Variants in GPR39 observed in about 807,000 individuals in gnomAD.
GPR39 encodes zinc sensing receptor.
In GPR39, 23 loss-of-function variants were observed where a neutral mutation model predicts 18.4. The observed-to-expected ratio is 1.25, with a 90% CI of 0.90 to 1.77. The LOEUF (loss-of-function observed/expected upper bound fraction) is 1.77, where lower values mean the gene tolerates loss of function less well. Ranked by LOEUF, GPR39 falls within the 40% of genes most tolerant of loss-of-function variation. The pLI is 0.00. For missense variants in GPR39, 647 were observed against 602.4 expected, an observed-to-expected ratio of 1.07 and a Z score of -0.78; for synonymous variants, 280 against 257.9, an observed-to-expected ratio of 1.09 and a Z score of -0.82.
intron 1 of GPR39, among the ~76,000 whole-genome samples, chr2:132,462,539 G>A (rs2104777845): frequency 6.6e-6 from 1 of 152,260 alleles, no homozygotes; most frequent in East Asian, 1.9e-4. Context: ...CTAATAATGA[G>A]GCTTAATGTT....
intron 1 of GPR39, among the ~76,000 whole-genome samples, chr2:132,567,989 A>C (rs1680380982): frequency 6.6e-6 from 1 of 151,990 alleles, no homozygotes; most frequent in South Asian, 2.1e-4. Context: ...AGTCCAAGAG[A>C]CTTCTTCCTT....
At chr2:132,627,127 C>T (rs999128372) in intron 1 of GPR39, among the ~76,000 whole-genome samples, 6 of 152,040 alleles carry the variant, frequency 3.9e-5, no homozygotes, top group Admixed American at 6.6e-5. Flanking sequence ...TTGCCTCTTA[C>T]GGGCCTGATC....
At chr2:132,477,702 A>G (rs1018205850) in intron 1 of GPR39, among the ~76,000 whole-genome samples, 2 of 152,248 alleles carry the variant, frequency 1.3e-5, no homozygotes, top group African/African-American at 2.4e-5. Context: ...TAGTTTCAAC[A>G]GAGACCATAT....
intron 1 of GPR39, among the ~76,000 whole-genome samples, chr2:132,600,827 TG>T (rs1465398675): frequency 6.6e-6 from 1 of 152,206 alleles, no homozygotes. Flanking sequence ...GGGGCACAAG[TG>T]GTTTTTGTTT....
At chr2:132,432,315 TC>T (rs1173334402) in intron 1 of GPR39, among the ~76,000 whole-genome samples, 1 of 152,206 alleles carries the variant, frequency 6.6e-6, no homozygotes, top group Non-Finnish European at 1.5e-5. Context: ...CTCTGGGACC[TC>T]ATTTATAAGG....
At chr2:132,428,622 T>C (rs1418177998) in intron 1 of GPR39, among the ~76,000 whole-genome samples, 5 of 152,164 alleles carry the variant, frequency 3.3e-5, no homozygotes, top group African/African-American at 7.2e-5. Flanking sequence ...CCCCTACCAG[T>C]TGAATTGTAA....
intron 1 of GPR39, among the ~76,000 whole-genome samples, chr2:132,638,966 C>T (rs1681813569): frequency 6.6e-6 from 1 of 151,936 alleles, no homozygotes; most frequent in Admixed American, 6.6e-5. Context: ...GTTTCTCCAT[C>T]CCCTGCTCAT....
At chr2:132,582,915 C>CT (rs5834320) in intron 1 of GPR39, among the ~76,000 whole-genome samples, 4,097 of 101,494 alleles carry the variant, frequency 0.04, 99 homozygotes, top group Non-Finnish European at 0.06. Flanking sequence ...TTCTTTCTTT[C>CT]TTTTTTTTTT....
intron 1 of GPR39, 97 bp from the exon 2 acceptor site, chr2:132,645,004 C>A (rs1407598436): frequency 7.1e-7 from 1 of 1,401,882 alleles, no homozygotes; most frequent in Non-Finnish European, 9.7e-7. Flanking sequence ...AAGCACAGAA[C>A]AGAGGGGCTA....
intron 1 of GPR39, among the ~76,000 whole-genome samples, chr2:132,433,141 TTTA>T (rs539811342): frequency 6.6e-6 from 1 of 152,258 alleles, no homozygotes; most frequent in Non-Finnish European, 1.5e-5. Context: ...TCTTGCCTAT[TTTA>T]TTATTTACTA....
chr2:132,493,947 A>T (rs1681586237), intron 1 of GPR39, among the ~76,000 whole-genome samples: 1 of 152,114 alleles, frequency 6.6e-6, no homozygotes. Flanking sequence ...AAATACACCA[A>T]AAACTTCCGA....
chr2:132,424,313 A>T (rs1179393318), intron 1 of GPR39, among the ~76,000 whole-genome samples: 1 of 152,220 alleles, frequency 6.6e-6, no homozygotes, highest in Admixed American at 6.5e-5. Flanking sequence ...ATGAGGATAC[A>T]GTGGGGGTGA....
chr2:132,639,874 T>C (rs868437754), intron 1 of GPR39, among the ~76,000 whole-genome samples: 48 of 152,188 alleles, frequency 3.2e-4, no homozygotes, highest in African/African-American at 9.6e-4. Flanking sequence ...TCCCATGCTG[T>C]CAATGGTCAG....
At chr2:132,529,302 G>T (rs1438557487) in intron 1 of GPR39, among the ~76,000 whole-genome samples, 2 of 152,210 alleles carry the variant, frequency 1.3e-5, no homozygotes, top group Non-Finnish European at 2.9e-5. Context: ...AGCGAGGCTG[G>T]GGGAGGGGCG....
chr2:132,602,032 GAA>G (rs34155252), intron 1 of GPR39, among the ~76,000 whole-genome samples: 8 of 146,928 alleles, frequency 5.4e-5, no homozygotes, highest in African/African-American at 9.9e-5. Context: ...CACAGAAATA[GAA>G]AAAAAAAAAC....
intron 1 of GPR39, among the ~76,000 whole-genome samples, chr2:132,639,598 T>C (rs377449625): frequency 2.6e-5 from 4 of 152,188 alleles, no homozygotes; most frequent in East Asian, 3.9e-4. Flanking sequence ...TAGGTACTTA[T>C]GTAAGATGGA....
chr2:132,557,096 A>G (rs931144270), intron 1 of GPR39, among the ~76,000 whole-genome samples: 28 of 151,700 alleles, frequency 1.8e-4, no homozygotes, highest in Non-Finnish European at 3.2e-4. Context: ...GGGGGGGCAG[A>G]TCACTTGAGG....
intron 1 of GPR39, among the ~76,000 whole-genome samples, chr2:132,473,766 C>T (rs188891965): frequency 4.2e-4 from 64 of 152,304 alleles, no homozygotes; most frequent in African/African-American, 1.4e-3. Flanking sequence ...ATGATGTAGA[C>T]CACTATCTCT....
intron 1 of GPR39, among the ~76,000 whole-genome samples, chr2:132,466,966 T>TTA (rs1183977319): frequency 6.6e-6 from 1 of 152,204 alleles, no homozygotes; most frequent in Non-Finnish European, 1.5e-5. Context: ...ACTTCATGTT[T>TTA]TATATTTTTT....
Sources: gnomAD v4.1 joint callset for allele counts (sites outside exome capture counted in the v4.1 genomes callset) on GRCh38, gnomAD v4.1.1 for gene constraint, MANE v1.5 for transcripts, NCBI Gene and HGNC (gene_info 2026-07-23, HGNC 2026-07-21) for gene names.